Variants in CELF4 observed in about 807,000 individuals in gnomAD.
CELF4 encodes the protein CUGBP Elav-like family member 4, also known as CUG-BP- and ETR-3-like factor 4.
In CELF4, 18 loss-of-function variants were observed where a neutral mutation model predicts 59.9. That is an observed-to-expected ratio of 0.30 (90% CI 0.21 to 0.45). The LOEUF (loss-of-function observed/expected upper bound fraction) is 0.45. Among genes scored for constraint, CELF4 ranks in the 20% least tolerant of loss-of-function variants. The pLI is 1.00. For missense variants in CELF4, 456 were observed against 689.0 expected, an observed-to-expected ratio of 0.66 and a Z score of 3.79; for synonymous variants, 261 against 267.1, an observed-to-expected ratio of 0.98 and a Z score of 0.22.
intron 1 of CELF4, among the ~76,000 whole-genome samples, chr18:37,516,442 G>A (rs546389351): frequency 4.3e-4 from 65 of 152,352 alleles, no homozygotes; most frequent in African/African-American, 1.4e-3. Context: ...CTCCTGGCCA[G>A]CAAAGGGAGC....
Position 37,515,184 on chromosome 18 carries a change from T to TA in CELF4, c.287-29578dup, listed in dbSNP as rs771877793. On this transcript the variant is annotated intron_variant, in intron 1 of 12. Coordinates refer to ENST00000420428, the MANE Select transcript of CELF4 (RefSeq NM_020180.4). ...AGGCTTGCTGTTCGGCAGTGGTTTT[T>TA]ATAGTACAGTAAAAGCCTTAAGGAG... 1.5e-4 allele frequency among the ~76,000 whole-genome samples: 23 copies of TA among 152,342 alleles called. No individual in the cohort carries two copies. In the East Asian group the frequency reaches 3.7e-3, roughly 24 times the overall value.
intron 1 of CELF4, among the ~76,000 whole-genome samples, chr18:37,498,347 T>C (rs568863701): frequency 1.7e-5 from 2 of 120,032 alleles, no homozygotes; most frequent in East Asian, 5.7e-4. Flanking sequence ...TTCCCTTCCC[T>C]TCCCTCCCCT....
At chr18:37,272,684 C>G (rs2091887558) in intron 7 of CELF4, among the ~76,000 whole-genome samples, 1 of 151,742 alleles carries the variant, frequency 6.6e-6, no homozygotes, top group East Asian at 1.9e-4. Context: ...ATAGACACCA[C>G]AGGGAGATGT....
chr18:37,280,198 G>A (rs1379715230), intron 3 of CELF4, among the ~76,000 whole-genome samples: 1 of 152,190 alleles, frequency 6.6e-6, no homozygotes, highest in East Asian at 1.9e-4. Context: ...ATAAAACTGT[G>A]GACAGGAGAA....
chr18:37,374,216 T>C (rs558670926), intron 2 of CELF4, among the ~76,000 whole-genome samples: 1 of 152,332 alleles, frequency 6.6e-6, no homozygotes, highest in East Asian at 1.9e-4. Flanking sequence ...CCTTCCTTAG[T>C]TCAGCCCTTT....
chr18:37,433,151 C>T (rs1403408740), intron 2 of CELF4, among the ~76,000 whole-genome samples: 1 of 152,210 alleles, frequency 6.6e-6, no homozygotes, highest in Non-Finnish European at 1.5e-5. Context: ...AGTTCAGTGC[C>T]TCCTACAATG....
At chr18:37,318,024 C>G (rs2096927868) in intron 3 of CELF4, among the ~76,000 whole-genome samples, 1 of 152,194 alleles carries the variant, frequency 6.6e-6, no homozygotes, top group Admixed American at 6.5e-5. Context: ...TGGCCAAAGG[C>G]CCCGCATGTT....
chr18:37,316,435 AT>A (rs367866691), intron 3 of CELF4, among the ~76,000 whole-genome samples: 80 of 152,114 alleles, frequency 5.3e-4, no homozygotes, highest in Non-Finnish European at 9.4e-4. Context: ...TCCCTACTTA[AT>A]TGGAACCCCA....
intron 2 of CELF4, among the ~76,000 whole-genome samples, chr18:37,332,882 G>A (rs1291542911): frequency 6.6e-6 from 1 of 152,212 alleles, no homozygotes; most frequent in East Asian, 1.9e-4. Context: ...AGGGCTCTTT[G>A]TCTCCAAGCC....
At chr18:37,344,604 G>T (rs1006287550) in intron 2 of CELF4, among the ~76,000 whole-genome samples, 1 of 152,228 alleles carries the variant, frequency 6.6e-6, no homozygotes, top group Non-Finnish European at 1.5e-5. Context: ...AGCCATGAAA[G>T]CTTGTTCCCT....
At chr18:37,251,001 G>C (rs934590836) in intron 12 of CELF4, among the ~76,000 whole-genome samples, 2 of 152,090 alleles carry the variant, frequency 1.3e-5, no homozygotes, top group Admixed American at 1.3e-4. Context: ...GTACTCTGGG[G>C]TAATAGGTTG....
At position 37,441,613 on chromosome 18, in the gene CELF4, T is replaced by A. The variant is rs116844159; in HGVS notation, c.369+43912A>T. Among the ~76,000 whole-genome samples the A allele has an allele frequency of 3.3e-5, 5 of 152,230 alleles. No individual in the cohort carries two copies. In the East Asian group the frequency reaches 7.8e-4, roughly 24 times the overall value. On this transcript the variant is annotated intron_variant, in intron 2 of 12. Coordinates refer to ENST00000420428, the MANE Select transcript of CELF4 (RefSeq NM_020180.4). ...TGGGGACGAGGTGGCAGCCAGGGACTATTATCTTGAGTCAGACCATCTGCT... is the reference window on the plus strand; with the variant it reads ...TGGGGACGAGGTGGCAGCCAGGGACAATTATCTTGAGTCAGACCATCTGCT...
chr18:37,443,081 A>C (rs578256806), intron 2 of CELF4, among the ~76,000 whole-genome samples: 11 of 152,172 alleles, frequency 7.2e-5, no homozygotes, highest in African/African-American at 2.6e-4. Flanking sequence ...TGTCTTCCCA[A>C]ATGGGAGCTC....
intron 3 of CELF4, among the ~76,000 whole-genome samples, chr18:37,297,905 GT>G (rs11321087): frequency 0.15 from 22,223 of 152,288 alleles, 2,043 homozygotes; most frequent in African/African-American, 0.26. Context: ...TGGCCGTCAA[GT>G]TAGCAGGCTG....
chr18:37,338,361 C>T (rs868439229), intron 2 of CELF4, among the ~76,000 whole-genome samples: 1 of 145,382 alleles, frequency 6.9e-6, no homozygotes, highest in Non-Finnish European at 1.5e-5. Flanking sequence ...CATCTGTTAC[C>T]TTAACCTTGT....
At chr18:37,453,965 C>T (rs956581326) in intron 2 of CELF4, among the ~76,000 whole-genome samples, 1 of 152,140 alleles carries the variant, frequency 6.6e-6, no homozygotes, top group African/African-American at 2.4e-5. Context: ...TTGATCTAAC[C>T]CAAGTCTTGT....
intron 2 of CELF4, among the ~76,000 whole-genome samples, chr18:37,426,146 C>T (rs1329004808): frequency 6.6e-6 from 1 of 152,188 alleles, no homozygotes; most frequent in Non-Finnish European, 1.5e-5. Context: ...GCTGGACCTG[C>T]CCCCAAGCAC....
At chr18:37,456,723 T>C (rs2099779420) in intron 2 of CELF4, among the ~76,000 whole-genome samples, 1 of 152,164 alleles carries the variant, frequency 6.6e-6, no homozygotes. Context: ...GAGCCAGGCC[T>C]GTACCCTCCT....
At chr18:37,405,502 C>T (rs918457519) in intron 2 of CELF4, among the ~76,000 whole-genome samples, 1 of 152,280 alleles carries the variant, frequency 6.6e-6, no homozygotes. Flanking sequence ...ATGCAGGAGA[C>T]TGAGAAGATT....
Sources: gnomAD v4.1 joint callset for allele counts (sites outside exome capture counted in the v4.1 genomes callset) on GRCh38, gnomAD v4.1.1 for gene constraint, MANE v1.5 for transcripts, NCBI Gene and HGNC (gene_info 2026-07-23, HGNC 2026-07-21) for gene names.